Variants in EVL observed in about 807,000 individuals in gnomAD.
EVL encodes the protein Enah/Vasp-like.
In EVL, 21 loss-of-function variants were observed where a neutral mutation model predicts 59.6. That is an observed-to-expected ratio of 0.35 (90% CI 0.25 to 0.51). The LOEUF (loss-of-function observed/expected upper bound fraction) is 0.51, where lower values mean the gene tolerates loss of function less well. Among genes scored for constraint, EVL ranks in the 20% least tolerant of loss-of-function variants. The pLI, the probability that EVL is intolerant of heterozygous loss-of-function variation, is 0.97. For synonymous variants in EVL, 198 were observed against 203.5 expected (o/e 0.97, Z 0.23); for missense variants, 462 against 546.6 (o/e 0.85, Z 1.54).
chr14:100,094,977 G>T (rs1387318111), intron 2 of EVL, among the ~76,000 whole-genome samples: 2 of 151,852 alleles, frequency 1.3e-5, no homozygotes, highest in East Asian at 1.9e-4. Flanking sequence ...GGAGGTGGAG[G>T]TTGCAGTGAG....
intron 1 of EVL, among the ~76,000 whole-genome samples, chr14:100,022,221 C>T (rs369101309): frequency 4.0e-5 from 6 of 151,832 alleles, no homozygotes; most frequent in East Asian, 3.9e-4. Context: ...TTTGTGGACA[C>T]GCTCCTCCAC....
At chr14:100,044,165 G>A (rs1238392104) in intron 1 of EVL, among the ~76,000 whole-genome samples, 3 of 152,080 alleles carry the variant, frequency 2.0e-5, no homozygotes, top group African/African-American at 7.2e-5. Flanking sequence ...TTTCTATAAT[G>A]GTTTATAATA....
At chr14:100,011,959 A>G (rs1273583063) in intron 1 of EVL, among the ~76,000 whole-genome samples, 1 of 152,234 alleles carries the variant, frequency 6.6e-6, no homozygotes, top group Non-Finnish European at 1.5e-5. Flanking sequence ...GAAGCAGGAT[A>G]GGAATTATTA....
rs1195455748 is a variant in EVL, at chr14:100,128,510, G to T, written c.488-9G>T. On this transcript the variant is annotated splice_polypyrimidine_tract_variant and intron_variant, in intron 5 of 13. Coordinates refer to ENST00000392920, the MANE Select transcript of EVL (RefSeq NM_016337.3). ...CTGGAGCTGGCTGAGCCTCACTGTT[G>T]TGTTTCAGGGCCCATCCTCCCACCA... 7 of 1,611,730 alleles carry T rather than the reference G, an allele frequency of 4.3e-6. No individual in the cohort carries two copies. The highest frequency in any genetic ancestry group is 4.5e-4 in the Middle Eastern group (2 of 4,446).
intron 1 of EVL, among the ~76,000 whole-genome samples, chr14:100,004,914 AT>A (rs59427202): frequency 0.056 from 8,589 of 152,318 alleles, 445 homozygotes; most frequent in East Asian, 0.28. Context: ...ATATACCTAA[AT>A]AATGAAATAT....
At chr14:100,016,399 C>T (rs1006623619) in intron 1 of EVL, among the ~76,000 whole-genome samples, 9 of 152,036 alleles carry the variant, frequency 5.9e-5, no homozygotes, top group Non-Finnish European at 1.2e-4. Flanking sequence ...TGTGGCGGCA[C>T]GTGCCTGTAA....
intron 1 of EVL, among the ~76,000 whole-genome samples, chr14:100,071,701 G>A (rs2062051609): frequency 6.6e-6 from 1 of 152,170 alleles, no homozygotes; most frequent in Non-Finnish European, 1.5e-5. Flanking sequence ...ACTACAGACA[G>A]CAAGCATGGA....
intron 1 of EVL, among the ~76,000 whole-genome samples, chr14:99,986,153 G>C (rs112255748): frequency 6.6e-6 from 1 of 151,894 alleles, no homozygotes; most frequent in Admixed American, 6.6e-5. Context: ...TTAGCCAGAC[G>C]TGGTGGCATG....
intron 1 of EVL, among the ~76,000 whole-genome samples, chr14:100,056,448 T>C (rs1388005183): frequency 6.6e-6 from 1 of 152,212 alleles, no homozygotes; most frequent in Admixed American, 6.5e-5. Context: ...ATGTTTTAAG[T>C]ATCTTCCCTT....
intron 1 of EVL, chr14:99,974,996 G>C (rs908258433): frequency 6.5e-6 from 1 of 152,796 alleles, no homozygotes; most frequent in Non-Finnish European, 1.5e-5. Context: ...ATGCTGCCCA[G>C]TTTGATGATG....
chr14:100,100,829 A>C (rs1886168499), intron 3 of EVL, among the ~76,000 whole-genome samples: 1 of 151,894 alleles, frequency 6.6e-6, no homozygotes, highest in African/African-American at 2.4e-5. Context: ...GAACCTTCCA[A>C]CATTTATGTG....
At chr14:100,073,320 C>CTTTTTTT (rs368484673) in intron 1 of EVL, among the ~76,000 whole-genome samples, 1 of 137,362 alleles carries the variant, frequency 7.3e-6, no homozygotes, top group Non-Finnish European at 1.6e-5. Context: ...TTTCCTTTTT[C>CTTTTTTT]TTTTTTTTTT....
At chr14:100,062,222 GTATATATATATATA>G (rs57785687), upstream of EVL, among the ~76,000 whole-genome samples, 1 of 149,464 alleles carries the variant, frequency 6.7e-6, no homozygotes, top group East Asian at 2.0e-4. Context: ...ATATATATAT[GTATATATATATATA>G]TGACTGTCCA....
chr14:100,117,415 C>T (rs1440837708), intron 3 of EVL, among the ~76,000 whole-genome samples: 2 of 152,230 alleles, frequency 1.3e-5, no homozygotes, highest in Non-Finnish European at 2.9e-5. Context: ...GCTGGGCTCC[C>T]CTTCTTGCTC....
At chr14:100,063,222 A>G (rs1167746710), upstream of EVL, among the ~76,000 whole-genome samples, 2 of 152,256 alleles carry the variant, frequency 1.3e-5, no homozygotes, top group Admixed American at 1.3e-4. Context: ...GTCTAATCAC[A>G]CGAGTCCTTA....
At chr14:100,017,925 G>A (rs765730824) in intron 1 of EVL, among the ~76,000 whole-genome samples, 29 of 152,202 alleles carry the variant, frequency 1.9e-4, no homozygotes, top group Non-Finnish European at 4.0e-4. Flanking sequence ...TCTTCGAGAC[G>A]GAGATAACTG....
intron 1 of EVL, among the ~76,000 whole-genome samples, chr14:100,004,208 T>TCAAC (rs749891956): frequency 2.0e-4 from 31 of 151,872 alleles, no homozygotes; most frequent in Non-Finnish European, 3.8e-4. Context: ...TGTCTCAAAA[T>TCAAC]CAACCAACCA....
At chr14:100,014,872 CT>C (rs1159559475) in intron 1 of EVL, among the ~76,000 whole-genome samples, 1 of 152,186 alleles carries the variant, frequency 6.6e-6, no homozygotes, top group Admixed American at 6.5e-5. Context: ...GCTCAGCCCC[CT>C]GGCCATTGGA....
At chr14:100,021,433 T>G (rs1161950994) in intron 1 of EVL, among the ~76,000 whole-genome samples, 3 of 152,192 alleles carry the variant, frequency 2.0e-5, no homozygotes, top group Non-Finnish European at 4.4e-5. Context: ...TTTTACTGGA[T>G]GTGACTGCAT....
Sources: gnomAD v4.1 joint callset for allele counts (sites outside exome capture counted in the v4.1 genomes callset) on GRCh38, gnomAD v4.1.1 for gene constraint, MANE v1.5 for transcripts, NCBI Gene and HGNC (gene_info 2026-07-23, HGNC 2026-07-21) for gene names.